Variants in CABIN1 observed in about 807,000 individuals in gnomAD.
CABIN1 encodes the protein calcineurin-binding protein cabin-1.
A neutral mutation model predicts 227.7 loss-of-function variants in CABIN1; 133 were observed. That is an observed-to-expected ratio of 0.58 (90% CI 0.51 to 0.67). The LOEUF (loss-of-function observed/expected upper bound fraction) is 0.67, where lower values mean the gene tolerates loss of function less well. CABIN1 is among the 30% of genes least tolerant of loss of function. The pLI, the probability that CABIN1 is intolerant of heterozygous loss-of-function variation, is 0.00. For synonymous variants in CABIN1, 1,086 were observed against 1,155.1 expected, an observed-to-expected ratio of 0.94 and a Z score of 1.21; for missense variants, 2,408 against 2,852.5, an observed-to-expected ratio of 0.84 and a Z score of 3.55.
At chr22:24,102,002 G>A (rs777698729) in intron 26 of CABIN1, among the ~76,000 whole-genome samples, 9 of 152,140 alleles carry the variant, frequency 5.9e-5, no homozygotes, top group Non-Finnish European at 8.8e-5. Context: ...CTGCAGGCTC[G>A]GTCATGCCCT....
chr22:24,121,049 T>C (rs2043380918), intron 28 of CABIN1, among the ~76,000 whole-genome samples: 1 of 152,040 alleles, frequency 6.6e-6, no homozygotes, highest in African/African-American at 2.4e-5. Flanking sequence ...TGGGCTGGCA[T>C]TGGTGTAGGC....
intron 28 of CABIN1, among the ~76,000 whole-genome samples, chr22:24,129,544 C>T (rs1427642518): frequency 1.3e-5 from 2 of 152,236 alleles, no homozygotes; most frequent in African/African-American, 4.8e-5. Flanking sequence ...TCAGACTGCT[C>T]AGCTTCTTTT....
intron 20 of CABIN1, 82 bp downstream of exon 20, chr22:24,083,471 C>G (rs2040946304): frequency 6.7e-7 from 1 of 1,489,386 alleles, no homozygotes; most frequent in Admixed American, 1.7e-5. Context: ...TGTCAACAGT[C>G]ATCTTGGCAG....
intron 29 of CABIN1, among the ~76,000 whole-genome samples, chr22:24,149,160 TCA>T (rs893400509): frequency 1.3e-5 from 2 of 152,180 alleles, no homozygotes; most frequent in Admixed American, 1.3e-4. Flanking sequence ...AAGGACTCCC[TCA>T]CACATGGGCC....
intron 29 of CABIN1, among the ~76,000 whole-genome samples, chr22:24,151,716 T>C (rs1421453381): frequency 1.3e-5 from 2 of 152,168 alleles, no homozygotes; most frequent in African/African-American, 2.4e-5. Context: ...CAGTCTTCTC[T>C]GCCCAATCTG....
intron 28 of CABIN1, among the ~76,000 whole-genome samples, chr22:24,131,322 T>C (rs1327798945): frequency 6.6e-6 from 1 of 152,202 alleles, no homozygotes; most frequent in African/African-American, 2.4e-5. Flanking sequence ...TCTGGGGTCA[T>C]GACTCTTGGG....
intron 5 of CABIN1, among the ~76,000 whole-genome samples, chr22:24,042,703 C>T (rs1207037226): frequency 6.6e-6 from 1 of 152,156 alleles, no homozygotes; most frequent in African/African-American, 2.4e-5. Flanking sequence ...GCTGGCATTA[C>T]TTGTCAGTTA....
rs1335910028 is a variant in CABIN1 at position 24,055,055 on chromosome 22, A to T, written c.989A>T (p.Asn330Ile). 17 of 1,614,072 alleles carry T rather than the reference A, an allele frequency of 1.1e-5. No homozygotes were observed. The highest frequency in any genetic ancestry group is 1.4e-5 in the Non-Finnish European group (17 of 1,180,042). ...NVIQPSTVST[N>I]PAVAVAEPVV... ...ATCCAGCCAAGCACTGTCAGCACCA[A>T]CCCAGCTGTGGCTGTCGCCGAGCCT... Residue 330 changes from asparagine to isoleucine, a missense_variant, in exon 9 of 37, where the codon AAC becomes ATC. Around this residue, in one of 3 missense-constraint regions of CABIN1, gnomAD observed 1,045 missense variants for 1,168.4 expected, o/e 0.89. Coordinates refer to ENST00000263119, the MANE Select transcript of CABIN1 (RefSeq NM_012295.4).
At chr22:24,036,246 A>G in intron 3 of CABIN1, 65 bp downstream of exon 3, 1 of 1,171,570 alleles carries the variant, frequency 8.5e-7, no homozygotes, top group Non-Finnish European at 1.3e-6. Flanking sequence ...ACCTCATTTT[A>G]AATACATTTA....
intron 24 of CABIN1, among the ~76,000 whole-genome samples, chr22:24,094,389 C>T (rs2041747737): frequency 6.6e-6 from 1 of 152,222 alleles, no homozygotes; most frequent in Admixed American, 6.5e-5. Flanking sequence ...GTGTGGCCTA[C>T]CCTCTCCCAG....
chr22:24,150,568 G>A (rs1165466023), intron 29 of CABIN1, among the ~76,000 whole-genome samples: 1 of 152,206 alleles, frequency 6.6e-6, no homozygotes, highest in East Asian at 1.9e-4. Context: ...TGTGGCTGCT[G>A]GAGGGAGCTC....
chr22:24,062,137 G>A lies in CABIN1; in HGVS notation c.1696+112G>A, dbSNP rs1004367384. ...GAATTTAGCCTTATATCTACAGTAG[G>A]CACATTTTTTGGGTTGGCTTGTCAG... is the stretch of plus-strand genomic sequence containing the variant. On this transcript the variant is annotated intron_variant, in intron 13 of 36. Coordinates refer to ENST00000263119, the MANE Select transcript of CABIN1 (RefSeq NM_012295.4). 9.0e-6 allele frequency: 8 copies of A among 884,234 alleles called. No individual in the cohort carries two copies. The African/African-American group carries it at 1.3e-4, about 15-fold the overall frequency. 54.8% of individuals were successfully genotyped at this position (884,234 alleles called of 1,614,324 possible). A position where few individuals can be genotyped will look rare whatever the true frequency, so the allele number is the denominator to read the frequency against.
At chr22:24,071,304 G>A in intron 17 of CABIN1, 1 of 526,564 alleles carries the variant, frequency 1.9e-6, no homozygotes, top group Non-Finnish European at 3.4e-6. Flanking sequence ...TCCCAGAGGG[G>A]AAGAAATAAC....
chr22:24,063,223 G>GGTGT (rs531695620), intron 14 of CABIN1, 77 bp downstream of exon 14: 3 of 1,430,910 alleles, frequency 2.1e-6, no homozygotes, highest in East Asian at 2.3e-5. Flanking sequence ...CCATGTTGAG[G>GGTGT]GTGTGTGTGT....
Position 24,153,558 on chromosome 22 carries a change from A to G in CABIN1, c.4747-10842A>G, listed in dbSNP as rs1658472160. On this transcript the variant is annotated intron_variant, in intron 29 of 36. Coordinates refer to ENST00000263119, the MANE Select transcript of CABIN1 (RefSeq NM_012295.4). ...GCTCCAGGGACCTCTTGGTATGTACACAAGCACTTCCTGGGGGGTTGGGGG... is the reference window on the plus strand; with the variant it reads ...GCTCCAGGGACCTCTTGGTATGTACGCAAGCACTTCCTGGGGGGTTGGGGG... Among the ~76,000 whole-genome samples, 3 of 152,104 alleles carry G rather than the reference A, an allele frequency of 2.0e-5. No individual in the cohort carries two copies. In the South Asian group the frequency reaches 6.2e-4, roughly 32 times the overall value.
chr22:24,097,488 T>A (rs2041962230), intron 25 of CABIN1, among the ~76,000 whole-genome samples: 1 of 152,274 alleles, frequency 6.6e-6, no homozygotes. Context: ...TCATTCTTTC[T>A]AGTGGCTACT....
chr22:24,170,915 T>G (rs2046773328), intron 33 of CABIN1, among the ~76,000 whole-genome samples: 1 of 152,166 alleles, frequency 6.6e-6, no homozygotes, highest in African/African-American at 2.4e-5. Flanking sequence ...CCCACTCCTC[T>G]GCTCAGCTGT....
chr22:24,111,491 T>C (rs2042806025), intron 26 of CABIN1, among the ~76,000 whole-genome samples: 1 of 152,210 alleles, frequency 6.6e-6, no homozygotes, highest in Non-Finnish European at 1.5e-5. Flanking sequence ...TGTGCGCTCC[T>C]CGTGAGAATC....
At chr22:24,134,796 G>A (rs2044289937) in intron 29 of CABIN1, among the ~76,000 whole-genome samples, 5 of 152,366 alleles carry the variant, frequency 3.3e-5, no homozygotes, top group African/African-American at 1.2e-4. Flanking sequence ...AACAAGTGTG[G>A]GCCGGGCGCG....
Sources: allele counts gnomAD v4.1 joint callset (sites outside exome capture counted in the v4.1 genomes callset), GRCh38; gene constraint gnomAD v4.1.1; regional missense constraint gnomAD v4.1.1; transcripts MANE v1.5; gene names NCBI Gene and HGNC (gene_info 2026-07-23, HGNC 2026-07-21).